Variants in PDPK1 observed in about 807,000 individuals in gnomAD.
The protein encoded by PDPK1 is 3-phosphoinositide dependent protein kinase 1.
Under a neutral mutation model 39.8 loss-of-function variants are expected in PDPK1, and 7 were observed. The observed-to-expected ratio is 0.18, with a 90% CI of 0.10 to 0.33. PDPK1 has a LOEUF of 0.33. Among genes scored for constraint, PDPK1 ranks in the 10% least tolerant of loss-of-function variants. The pLI is 1.00. For missense variants in PDPK1, 182 were observed against 384.7 expected (o/e 0.47, Z 4.41); for synonymous variants, 118 against 159.1 (o/e 0.74, Z 1.95).
At chr16:2,538,930 A>G (rs2066190709) in intron 1 of PDPK1, 1 of 416,966 alleles carries the variant, frequency 2.4e-6, no homozygotes, top group Admixed American at 3.9e-5. Flanking sequence ...TCTGGGGACG[A>G]CGGTTTAAAA....
chr16:2,603,183 A>G lies in PDPK1; in HGVS notation c.*5416A>G, dbSNP rs1475319201. The G allele has an allele frequency of 4.7e-6, 1 of 212,008 alleles. No homozygotes were observed. Among genetic ancestry groups the G allele is most frequent in the Non-Finnish European group, 9.6e-6 (1 of 104,712 alleles). 13.1% of individuals were successfully genotyped at this position (212,008 alleles called of 1,614,324 possible). On this transcript the variant is annotated 3_prime_UTR_variant, in exon 14 of 14. Coordinates refer to ENST00000342085, the MANE Select transcript of PDPK1 (RefSeq NM_002613.5). Reference sequence around the variant, plus strand: ...TAGTCTTGTAATAAAAAGCATGTAGAGTGTAGAGGTTTGCTGGCGTGGCTC... The same window carrying G: ...TAGTCTTGTAATAAAAAGCATGTAGGGTGTAGAGGTTTGCTGGCGTGGCTC...
intron 1 of PDPK1, among the ~76,000 whole-genome samples, chr16:2,544,492 A>T (rs1224200226): frequency 6.6e-6 from 1 of 152,230 alleles, no homozygotes; most frequent in Non-Finnish European, 1.5e-5. Flanking sequence ...AGTTGAAAGC[A>T]TAGTACAATG....
chr16:2,585,126 C>T (rs1195893908), intron 10 of PDPK1, among the ~76,000 whole-genome samples: 1 of 152,222 alleles, frequency 6.6e-6, no homozygotes, highest in Non-Finnish European at 1.5e-5. Context: ...TGGGGAGCTT[C>T]TCTGAGTGTG....
At chr16:2,544,068 T>TA (rs528680166) in intron 1 of PDPK1, among the ~76,000 whole-genome samples, 11 of 151,894 alleles carry the variant, frequency 7.2e-5, no homozygotes, top group African/African-American at 2.4e-4. Context: ...ATCATGACAA[T>TA]AAAAAAAAGT....
intron 11 of PDPK1, among the ~76,000 whole-genome samples, chr16:2,590,067 A>G (rs2066956958): frequency 1.3e-5 from 2 of 152,208 alleles, no homozygotes; most frequent in Non-Finnish European, 2.9e-5. Flanking sequence ...GGATGAGTCT[A>G]CAGACAGCCT....
chr16:2,540,901 A>G (rs1423366202), intron 1 of PDPK1, among the ~76,000 whole-genome samples: 1 of 152,238 alleles, frequency 6.6e-6, no homozygotes, highest in Non-Finnish European at 1.5e-5. Context: ...GTCTTTTGCA[A>G]AGGTGGCTGC....
rs372896274 is a variant in PDPK1, at chr16:2,577,542, A to G, written c.785+42A>G. ...AAGCCGTGCTTCCCTTTTCTTTAAC[A>G]CAGAAATTAATATTTGAGAGAGTGA... On this transcript the variant is annotated intron_variant, in intron 7 of 13. Coordinates refer to ENST00000342085, the MANE Select transcript of PDPK1 (RefSeq NM_002613.5). 5.6e-6 allele frequency: 8 copies of G among 1,418,408 alleles called. 1 individual carries two copies. The African/African-American group carries it at 9.1e-5, about 16-fold the overall frequency. The allele number at this position is 1,418,408 out of a possible 1,614,324, so 87.9% of individuals were successfully genotyped here.
At chr16:2,585,461 G>A (rs945095907) in intron 10 of PDPK1, among the ~76,000 whole-genome samples, 1 of 152,228 alleles carries the variant, frequency 6.6e-6, no homozygotes, top group Non-Finnish European at 1.5e-5. Context: ...CCTCCTTCAT[G>A]GGGAATGGGC....
intron 10 of PDPK1, among the ~76,000 whole-genome samples, chr16:2,585,190 C>G (rs1361132980): frequency 6.6e-6 from 1 of 152,176 alleles, no homozygotes; most frequent in Non-Finnish European, 1.5e-5. Flanking sequence ...TGTGCCTGGG[C>G]CTACTGAGAG....
chr16:2,593,567 T>G lies in PDPK1; in HGVS notation c.1344-2226T>G, dbSNP rs989341889. ...GAGTTGGTATTTTAAACCATGCATCTCATCACCTCTTCTGGCACTTGCTGG... is the reference window on the plus strand; with the variant it reads ...GAGTTGGTATTTTAAACCATGCATCGCATCACCTCTTCTGGCACTTGCTGG... On this transcript the variant is annotated intron_variant, in intron 11 of 13. Coordinates refer to ENST00000342085, the MANE Select transcript of PDPK1 (RefSeq NM_002613.5). This position sits in a 1 kb window ranked among gnomAD's most constrained non-coding sequence, Gnocchi z 4.2. 1 of 168,166 alleles carries G rather than the reference T, an allele frequency of 5.9e-6. No homozygotes were observed. Among genetic ancestry groups the G allele is most frequent in the Non-Finnish European group, 1.3e-5 (1 of 78,414 alleles). 10.4% of individuals were successfully genotyped at this position (168,166 alleles called of 1,614,324 possible). A position where few individuals can be genotyped will look rare whatever the true frequency, so the allele number is the denominator to read the frequency against.
intron 1 of PDPK1, chr16:2,539,300 G>C (rs899827757): frequency 6.5e-6 from 1 of 154,050 alleles, no homozygotes; most frequent in African/African-American, 2.4e-5. Flanking sequence ...GGCTGGTCTG[G>C]AACTCCTGAC....
intron 1 of PDPK1, among the ~76,000 whole-genome samples, chr16:2,541,097 A>G (rs1222319737): frequency 6.6e-6 from 1 of 152,218 alleles, no homozygotes; most frequent in African/African-American, 2.4e-5. Context: ...GTGAGCTCCC[A>G]GTGGTAAGAG....
In PDPK1 at chr16:2,597,587, C is replaced by T; in HGVS notation, c.1555-64C>T. Reference sequence around the variant, plus strand: ...GAATGGCTGGTCGCAGGCAGCTCACCAGGTTGGGGTGGGGGTTTTGGTGGG... The same window carrying T: ...GAATGGCTGGTCGCAGGCAGCTCACTAGGTTGGGGTGGGGGTTTTGGTGGG... On this transcript the variant is annotated intron_variant, in intron 13 of 13. Coordinates refer to ENST00000342085, the MANE Select transcript of PDPK1 (RefSeq NM_002613.5). This position sits in a 1 kb window ranked among gnomAD's most constrained non-coding sequence, Gnocchi z 6.3. The T allele has an allele frequency of 2.5e-6, 3 of 1,180,064 alleles. No individual in the cohort carries two copies. The highest frequency in any genetic ancestry group is 3.8e-6 in the Non-Finnish European group (3 of 784,962). 73.1% of individuals were successfully genotyped at this position (1,180,064 alleles called of 1,614,324 possible). A position where few individuals can be genotyped will look rare whatever the true frequency, so the allele number is the denominator to read the frequency against.
intron 6 of PDPK1, chr16:2,576,119 T>C (rs2066703836): frequency 7.0e-6 from 1 of 142,108 alleles, no homozygotes; most frequent in Non-Finnish European, 1.5e-5. Flanking sequence ...AGCTGCAGGG[T>C]CTGGGAGGCA....
intron 10 of PDPK1, among the ~76,000 whole-genome samples, chr16:2,586,002 C>G (rs1039135684): frequency 1.3e-5 from 2 of 152,214 alleles, no homozygotes; most frequent in African/African-American, 4.8e-5. Flanking sequence ...CAGGGACTCT[C>G]TGGCCTTGGC....
At chr16:2,558,577 G>A (rs1256553677) in intron 2 of PDPK1, among the ~76,000 whole-genome samples, 4 of 149,794 alleles carry the variant, frequency 2.7e-5, no homozygotes, top group Admixed American at 6.6e-5. Flanking sequence ...AATGAAGGTC[G>A]AAAGCAGCTG....
chr16:2,539,539 C>G (rs1242095030), intron 1 of PDPK1: 2 of 152,146 alleles, frequency 1.3e-5, no homozygotes, highest in Non-Finnish European at 2.9e-5. Flanking sequence ...GGCTCTTGAA[C>G]TTTCTGCAGC....
At chr16:2,595,914 G>A in intron 12 of PDPK1, 64 bp downstream of exon 12, 1 of 1,230,286 alleles carries the variant, frequency 8.1e-7, no homozygotes, top group Admixed American at 1.7e-5. Flanking sequence ...TCCAGCTTAG[G>A]GGAGGGCAGC....
At chr16:2,551,513 A>G (rs1422239934) in intron 1 of PDPK1, among the ~76,000 whole-genome samples, 1 of 150,798 alleles carries the variant, frequency 6.6e-6, no homozygotes, top group African/African-American at 2.4e-5. Flanking sequence ...CGCTGGCTCT[A>G]CCTGTCGCAC....
Sources: gnomAD v4.1 joint callset for allele counts (sites outside exome capture counted in the v4.1 genomes callset) on GRCh38, gnomAD v4.1.1 for gene constraint, Gnocchi (gnomAD v3.1) non-coding constraint, MANE v1.5 for transcripts, NCBI Gene and HGNC (gene_info 2026-07-23, HGNC 2026-07-21) for gene names.